Variants in CAMTA1 observed in about 807,000 individuals in gnomAD.
CAMTA1 encodes the protein calmodulin binding transcription activator 1, also known as calmodulin-binding transcription activator 1.
A neutral mutation model predicts 170.9 loss-of-function variants in CAMTA1; 27 were observed. The ratio of observed to expected loss-of-function variants is 0.16; its 90% CI spans 0.12 to 0.22. The LOEUF (loss-of-function observed/expected upper bound fraction) is 0.22, where lower values mean the gene tolerates loss of function less well. CAMTA1 is among the 10% of genes least tolerant of loss of function. CAMTA1 has a pLI of 1.00. For missense variants in CAMTA1, 1,619 were observed against 2,217.2 expected, an observed-to-expected ratio of 0.73 and a Z score of 5.42; for synonymous variants, 833 against 891.5, an observed-to-expected ratio of 0.93 and a Z score of 1.17.
At chr1:6,995,074 G>A (rs1046242570) in intron 3 of CAMTA1, among the ~76,000 whole-genome samples, 2 of 151,586 alleles carry the variant, frequency 1.3e-5, no homozygotes, top group Non-Finnish European at 2.9e-5. Flanking sequence ...GTCTTCTTCT[G>A]GGACTTCAAT....
chr1:6,867,316 G>A (rs1258911995), intron 3 of CAMTA1, among the ~76,000 whole-genome samples: 1 of 152,056 alleles, frequency 6.6e-6, no homozygotes, highest in Non-Finnish European at 1.5e-5. Flanking sequence ...TATTTAACTT[G>A]TAGTTTTCGC....
intron 3 of CAMTA1, among the ~76,000 whole-genome samples, chr1:6,912,672 G>A (rs900625943): frequency 2.6e-5 from 4 of 152,178 alleles, no homozygotes; most frequent in Admixed American, 6.5e-5. Flanking sequence ...TCCTCCAGGC[G>A]GATGCCTGCT....
At chr1:7,351,250 G>A (rs528054319) in intron 5 of CAMTA1, among the ~76,000 whole-genome samples, 43 of 152,362 alleles carry the variant, frequency 2.8e-4, no homozygotes, top group African/African-American at 9.4e-4. Flanking sequence ...CCTTTCATCC[G>A]GGGACTGCGC....
chr1:7,411,933 G>A (rs527533339), intron 5 of CAMTA1, among the ~76,000 whole-genome samples: 14 of 112,128 alleles, frequency 1.2e-4, no homozygotes, highest in East Asian at 1.1e-3. Context: ...AACAGTCCTC[G>A]GAGTGTGATG....
rs537984157 is a variant in CAMTA1 at position 6,965,786 on chromosome 1, G to A, written c.235-125518G>A. ...AGCTGCATTTGCATATCGCCGTGAT[G>A]AGGTCTGGATGGAGCCTGAATGCGG... On this transcript the variant is annotated intron_variant, in intron 3 of 22. Coordinates refer to ENST00000303635, the MANE Select transcript of CAMTA1 (RefSeq NM_015215.4). The surrounding 1 kb of genome is among the most constrained non-coding windows in gnomAD (Gnocchi z 4.1). Among the ~76,000 whole-genome samples the A allele has an allele frequency of 6.6e-6, 1 of 152,222 alleles. No homozygotes were observed. Among genetic ancestry groups the A allele is most frequent in the African/African-American group, 2.4e-5 (1 of 41,458 alleles).
chr1:7,739,612 C>T (rs1418354577), intron 16 of CAMTA1, among the ~76,000 whole-genome samples: 2 of 152,186 alleles, frequency 1.3e-5, no homozygotes, highest in Non-Finnish European at 2.9e-5. Context: ...GCGAAAGTCA[C>T]ATCTTATATG....
rs2150290973 is a variant in CAMTA1, at chr1:7,565,010, G to A, written c.511-75390G>A. ...ATGAGGAAGACAGGGTGACAACCAC[G>A]AGATCAAGGTGGATGGGGGGTGGGA... On this transcript the variant is annotated intron_variant, in intron 6 of 22. Coordinates refer to ENST00000303635, the MANE Select transcript of CAMTA1 (RefSeq NM_015215.4). The surrounding 1 kb of genome is among the most constrained non-coding windows in gnomAD (Gnocchi z 4.5). 6.6e-6 allele frequency among the ~76,000 whole-genome samples: 1 copy of A among 152,098 alleles called. No individual in the cohort carries two copies. Among genetic ancestry groups the A allele is most frequent in the African/African-American group, 2.4e-5 (1 of 41,504 alleles).
chr1:7,138,446 A>G (rs752362601), intron 4 of CAMTA1, among the ~76,000 whole-genome samples: 1 of 152,248 alleles, frequency 6.6e-6, no homozygotes, highest in Non-Finnish European at 1.5e-5. Context: ...AGATTTAAAT[A>G]TGCATTTTTA....
intron 3 of CAMTA1, among the ~76,000 whole-genome samples, chr1:7,080,922 G>T (rs936969656): frequency 1.3e-5 from 2 of 152,240 alleles, no homozygotes; most frequent in Non-Finnish European, 2.9e-5. Flanking sequence ...TAAAGCAGCA[G>T]CTGCTATCTC....
At chr1:7,330,242 A>G (rs1417183424) in intron 5 of CAMTA1, among the ~76,000 whole-genome samples, 1 of 152,192 alleles carries the variant, frequency 6.6e-6, no homozygotes, top group African/African-American at 2.4e-5. Flanking sequence ...GGAATATAGT[A>G]TGGTGAAATA....
At chr1:7,291,374 C>T (rs1894654) in intron 5 of CAMTA1, among the ~76,000 whole-genome samples, 112,202 of 152,000 alleles carry the variant, frequency 0.74, 41,800 homozygotes, top group East Asian at 0.83. Context: ...GGAGTAGTTA[C>T]GTGAAAACAG....
At chr1:7,305,998 T>G (rs1007254918) in intron 5 of CAMTA1, among the ~76,000 whole-genome samples, 1 of 152,040 alleles carries the variant, frequency 6.6e-6, no homozygotes, top group Non-Finnish European at 1.5e-5. Flanking sequence ...TGTCCATTAT[T>G]TATTGGGTTG....
Position 7,723,035 on chromosome 1 carries a change from A to G in CAMTA1, c.2915-9413A>G, listed in dbSNP as rs185506342. 2.5e-3 allele frequency among the ~76,000 whole-genome samples: 379 copies of G among 152,320 alleles called. 1 individual carries two copies. The highest frequency in any genetic ancestry group is 8.6e-3 in the African/African-American group (357 of 41,548). ...TGTGTATACAGGTAGATATATACAT[A>G]TATACGTATATTTCCTAGCTTTCCC... On this transcript the variant is annotated intron_variant, in intron 11 of 22. Coordinates refer to ENST00000303635, the MANE Select transcript of CAMTA1 (RefSeq NM_015215.4).
intron 6 of CAMTA1, among the ~76,000 whole-genome samples, chr1:7,597,989 G>A (rs1326374979): frequency 6.6e-6 from 1 of 151,080 alleles, no homozygotes; most frequent in Non-Finnish European, 1.5e-5. Flanking sequence ...CAATGTGCAG[G>A]TTTGTTACAT....
chr1:7,481,332 G>C (rs1345768112), intron 6 of CAMTA1, among the ~76,000 whole-genome samples: 1 of 152,184 alleles, frequency 6.6e-6, no homozygotes, highest in Non-Finnish European at 1.5e-5. Flanking sequence ...TCCTCTCCCT[G>C]CTCACTCTCC....
chr1:7,542,821 C>T lies in CAMTA1; in HGVS notation c.510+74920C>T, dbSNP rs148607997. On this transcript the variant is annotated intron_variant, in intron 6 of 22. Coordinates refer to ENST00000303635, the MANE Select transcript of CAMTA1 (RefSeq NM_015215.4). Reference sequence around the variant, plus strand: ...CTAGGATTACAGGTGTAAGCCACCACGCCTGGCCTAAAACACAGTGTGTGT... The same window carrying T: ...CTAGGATTACAGGTGTAAGCCACCATGCCTGGCCTAAAACACAGTGTGTGT... 3.2e-3 allele frequency among the ~76,000 whole-genome samples: 456 copies of T among 144,024 alleles called. 4 individuals carry two copies. Among genetic ancestry groups the T allele is most frequent in the African/African-American group, 0.01 (419 of 40,108 alleles). 94.5% of individuals were successfully genotyped at this position (144,024 alleles called of 152,430 possible).
At chr1:7,265,682 A>G (rs114266649) in intron 5 of CAMTA1, among the ~76,000 whole-genome samples, 235 of 152,326 alleles carry the variant, frequency 1.5e-3, no homozygotes, top group Admixed American at 2.7e-3. Context: ...TAGATAAAAT[A>G]TATTATTAAA....
At chr1:6,898,893 T>G (rs967937181) in intron 3 of CAMTA1, among the ~76,000 whole-genome samples, 1 of 151,516 alleles carries the variant, frequency 6.6e-6, no homozygotes, top group African/African-American at 2.4e-5. Flanking sequence ...TGTTTTATTT[T>G]GTTTGATTTT....
In CAMTA1 at chr1:7,443,358, G is replaced by C. The variant is rs2092598199; in HGVS notation, c.439-24472G>C. On this transcript the variant is annotated intron_variant, in intron 5 of 22. Transcript: ENST00000303635. This position sits in a 1 kb window ranked among gnomAD's most constrained non-coding sequence, Gnocchi z 4.1. Reference sequence around the variant, plus strand: ...CCCATGGCAAGCCTAGCTAGTACTTGTTGAGTTAGTAGATGCTGCATCAAG... The same window carrying C: ...CCCATGGCAAGCCTAGCTAGTACTTCTTGAGTTAGTAGATGCTGCATCAAG... Among the ~76,000 whole-genome samples the C allele has an allele frequency of 6.6e-6, 1 of 152,222 alleles. No individual in the cohort carries two copies. Among genetic ancestry groups the C allele is most frequent in the Non-Finnish European group, 1.5e-5 (1 of 68,044 alleles).
Sources: gnomAD v4.1 joint callset for allele counts (sites outside exome capture counted in the v4.1 genomes callset) on GRCh38, gnomAD v4.1.1 for gene constraint, Gnocchi (gnomAD v3.1) non-coding constraint, MANE v1.5 for transcripts, NCBI Gene and HGNC (gene_info 2026-07-23, HGNC 2026-07-21) for gene names.